The following HABP2 variants were observed in gnomAD, a reference collection of about 807,000 sequenced individuals.
HABP2 encodes hyaluronan binding protein 2.
In HABP2, 65 loss-of-function variants were observed where a neutral mutation model predicts 66.5. The observed-to-expected ratio is 0.98, with a 90% confidence interval of 0.80 to 1.20. The LOEUF (loss-of-function observed/expected upper bound fraction) is 1.20. HABP2 is among the 50% of genes most tolerant of loss of function. The probability of loss-of-function intolerance (pLI) is 0.00; values close to 1 mark genes in which losing one functional copy is unlikely to be tolerated. For missense variants in HABP2, 786 were observed against 691.0 expected, an observed-to-expected ratio of 1.14 and a Z score of -1.54; for synonymous variants, 263 against 253.9, an observed-to-expected ratio of 1.04 and a Z score of -0.34.
chr10:113,557,621 C>T (rs1349961049), intron 1 of HABP2, among the ~76,000 whole-genome samples: 1 of 152,188 alleles, frequency 6.6e-6, no homozygotes, highest in East Asian at 1.9e-4. Context: ...GTGCGCCATG[C>T]CTGTGACCCG....
rs1220608678 is a variant in HABP2, at chr10:113,589,111, T to G, written c.*742T>G. The G allele has an allele frequency of 3.8e-6, 6 of 1,585,944 alleles. No homozygotes were observed. The highest frequency in any genetic ancestry group is 5.2e-6 in the Non-Finnish European group (6 of 1,156,092). ...AAATCAAACATACCCCAAGTTAAAA[T>G]GAAGCTCCCCCACCCCCACTCCCGG... On this transcript the variant is annotated 3_prime_UTR_variant, in exon 13 of 13. Transcript: ENST00000351270.
chr10:113,581,039 C>T (rs1449115692), intron 8 of HABP2, among the ~76,000 whole-genome samples: 1 of 152,182 alleles, frequency 6.6e-6, no homozygotes, highest in Non-Finnish European at 1.5e-5. Flanking sequence ...CTCCCATAGC[C>T]TCTTAGGATG....
At chr10:113,553,997 G>C (rs1844946297) in intron 1 of HABP2, among the ~76,000 whole-genome samples, 1 of 152,186 alleles carries the variant, frequency 6.6e-6, no homozygotes, top group African/African-American at 2.4e-5. Flanking sequence ...CATGAATGTG[G>C]GCTTTGGAGC....
intron 5 of HABP2, 76 bp from the exon 6 acceptor site, chr10:113,577,950 A>G (rs1428884129): frequency 1.3e-6 from 2 of 1,556,698 alleles, no homozygotes; most frequent in African/African-American, 2.7e-5. Flanking sequence ...AATGCCACCA[A>G]TGTCTCCTTG....
At chr10:113,583,892 A>G (rs1045361212) in intron 10 of HABP2, among the ~76,000 whole-genome samples, 6 of 152,116 alleles carry the variant, frequency 3.9e-5, no homozygotes, top group Non-Finnish European at 5.9e-5. Context: ...TTTCCCCTCT[A>G]ATGGCCTGTT....
intron 1 of HABP2, among the ~76,000 whole-genome samples, chr10:113,563,824 G>T (rs1157198135): frequency 6.6e-6 from 1 of 152,186 alleles, no homozygotes; most frequent in Non-Finnish European, 1.5e-5. Flanking sequence ...GGCTCAAAGA[G>T]AAGAATTCGT....
chr10:113,589,338 G>A lies in HABP2; in HGVS notation c.*969G>A, dbSNP rs566230927. 5.3e-5 allele frequency: 30 copies of A among 568,750 alleles called. No homozygotes were observed. The East Asian group carries it at 6.0e-4, about 11-fold the overall frequency. 35.2% of individuals were successfully genotyped at this position (568,750 alleles called of 1,614,324 possible). On this transcript the variant is annotated 3_prime_UTR_variant, in exon 13 of 13. Coordinates refer to ENST00000351270, the MANE Select transcript of HABP2 (RefSeq NM_004132.5). ...CAAAATGCAGACTGTCATATCCAGC[G>A]AGTCCCTGACCCTTTCTGCGAATGT...
In HABP2 at chr10:113,589,005, G is replaced by C. The variant is rs748831618; in HGVS notation, c.*636G>C. The C allele has an allele frequency of 1.6e-5, 26 of 1,613,708 alleles. No homozygotes were observed. The highest frequency in any genetic ancestry group is 2.0e-5 in the Non-Finnish European group (24 of 1,179,822). ...ACAGCAGGGCCTTCTTCTTTTTGACGTGCAGAATCTCAGTGGCATCTGGGT... is the reference window on the plus strand; with the variant it reads ...ACAGCAGGGCCTTCTTCTTTTTGACCTGCAGAATCTCAGTGGCATCTGGGT... On this transcript the variant is annotated 3_prime_UTR_variant, in exon 13 of 13. Coordinates refer to ENST00000351270, the MANE Select transcript of HABP2 (RefSeq NM_004132.5).
chr10:113,554,050 G>A (rs760566561), intron 1 of HABP2, among the ~76,000 whole-genome samples: 3 of 152,178 alleles, frequency 2.0e-5, no homozygotes, highest in African/African-American at 4.8e-5. Flanking sequence ...GCTGTGGAAT[G>A]TTGGGCAAGG....
At chr10:113,564,531 A>G (rs1845161164) in intron 1 of HABP2, among the ~76,000 whole-genome samples, 1 of 152,180 alleles carries the variant, frequency 6.6e-6, no homozygotes, top group South Asian at 2.1e-4. Flanking sequence ...TGCCTGCAGA[A>G]ACAGGGTGTG....
rs1845426315 is a variant in HABP2 at position 113,577,168 on chromosome 10, A to T, written c.350A>T (p.Asp117Val). ...CCTACAGTGCAAAATACGTGCAAGG[A>T]CAACCCATGTGGCCGGGGCCAATGT... is the stretch of plus-strand genomic sequence containing the variant. ...KCQKVQNTCKDNPCGRGQCLI... is the reference protein window; with the variant it reads ...KCQKVQNTCKVNPCGRGQCLI... Residue 117 changes from aspartate (D) to valine (V), a missense_variant, in exon 5 of 13, where the codon GAC becomes GTC. Asp to Val is a radical substitution (Grantham distance 152). Coordinates refer to ENST00000351270, the MANE Select transcript of HABP2 (RefSeq NM_004132.5). The T allele has an allele frequency of 3.7e-6, 6 of 1,608,404 alleles. No individual in the cohort carries two copies. The highest frequency in any genetic ancestry group is 5.1e-6 in the Non-Finnish European group (6 of 1,174,754).
intron 7 of HABP2, among the ~76,000 whole-genome samples, chr10:113,580,001 C>G (rs1448738587): frequency 6.6e-6 from 1 of 152,044 alleles, no homozygotes; most frequent in Non-Finnish European, 1.5e-5. Flanking sequence ...AGCCTGGTCT[C>G]GAACTCTTGA....
chr10:113,572,626 T>A (rs949562146), intron 2 of HABP2: 11 of 417,642 alleles, frequency 2.6e-5, no homozygotes, highest in Non-Finnish European at 5.2e-5. Context: ...TTTTCCTCAT[T>A]TTCTCCCTCT....
intron 1 of HABP2, among the ~76,000 whole-genome samples, chr10:113,562,063 G>A (rs1438406098): frequency 2.0e-5 from 3 of 152,172 alleles, no homozygotes; most frequent in African/African-American, 7.2e-5. Context: ...TGAAGTCAGT[G>A]TCCTGAGCCA....
At position 113,588,530 on chromosome 10, in the gene HABP2, AC is replaced by A; in HGVS notation, c.*163del. On this transcript the variant is annotated 3_prime_UTR_variant, in exon 13 of 13. Coordinates refer to ENST00000351270, the MANE Select transcript of HABP2 (RefSeq NM_004132.5). ...TGCCACCCAGCCTGGGCCTTCCCAGACCAGCATTTGCACAATATCACCAGGC... is the reference window on the plus strand; with the variant it reads ...TGCCACCCAGCCTGGGCCTTCCCAGACAGCATTTGCACAATATCACCAGGC... 1 of 572,996 alleles carries A rather than the reference AC, an allele frequency of 1.7e-6. No individual in the cohort carries two copies. The allele number at this position is 572,996 out of a possible 1,614,324, so 35.5% of individuals were successfully genotyped here.
chr10:113,563,923 C>T (rs2133751024), intron 1 of HABP2, among the ~76,000 whole-genome samples: 1 of 152,278 alleles, frequency 6.6e-6, no homozygotes, highest in African/African-American at 2.4e-5. Flanking sequence ...AGACCAGGAC[C>T]AAGGCCCAGA....
chr10:113,578,613 C>T lies in HABP2; in HGVS notation c.569-14C>T. On this transcript the variant is annotated splice_polypyrimidine_tract_variant and intron_variant, in intron 6 of 12. Transcript: ENST00000351270. ...TGGCTGTTGGTTCTCACATTGCTAC[C>T]TGCTCTCTCGGAGGTTCTGATGACT... 1 of 1,600,650 alleles carries T rather than the reference C, an allele frequency of 6.2e-7. No individual in the cohort carries two copies. Among genetic ancestry groups the T allele is most frequent in the Non-Finnish European group, 8.5e-7 (1 of 1,170,506 alleles).
chr10:113,574,093 A>G (rs1428214144), intron 2 of HABP2, among the ~76,000 whole-genome samples, 196 bp from the exon 3 acceptor site: 3 of 152,186 alleles, frequency 2.0e-5, no homozygotes, highest in Non-Finnish European at 4.4e-5. Context: ...TTGCCGGGTC[A>G]TAGCGTCCCC....
chr10:113,580,414 G>T (rs1845502125), intron 7 of HABP2, among the ~76,000 whole-genome samples, 181 bp from the exon 8 acceptor site: 2 of 152,122 alleles, frequency 1.3e-5, no homozygotes, highest in African/African-American at 2.4e-5. Flanking sequence ...AAAAGATTTT[G>T]CCAGAAAAAA....
Sources: allele counts gnomAD v4.1 joint callset (sites outside exome capture counted in the v4.1 genomes callset), GRCh38; gene constraint gnomAD v4.1.1; transcripts MANE v1.5; gene names NCBI Gene and HGNC (gene_info 2026-07-23, HGNC 2026-07-21).